TENM3: variants seen among roughly 807,000 people sequenced by gnomAD.
TENM3 encodes the protein teneurin transmembrane protein 3.
Under a neutral mutation model 255.1 loss-of-function variants are expected in TENM3, and 63 were observed. The ratio of observed to expected loss-of-function variants is 0.25; its 90% confidence interval spans 0.20 to 0.30. The LOEUF (loss-of-function observed/expected upper bound fraction) is 0.30. TENM3 is among the 10% of genes least tolerant of loss of function. The pLI is 1.00. For synonymous variants in TENM3, 1,306 were observed against 1,322.3 expected (o/e 0.99, Z 0.27); for missense variants, 2,929 against 3,461.1 (o/e 0.85, Z 3.86).
intron 3 of TENM3, among the ~76,000 whole-genome samples, chr4:182,560,061 A>G (rs1390644621): frequency 6.6e-6 from 1 of 151,878 alleles, no homozygotes; most frequent in African/African-American, 2.4e-5. Flanking sequence ...TACCTATAAA[A>G]ATTAAAAATT....
chr4:181,582,718 C>G, the TENM3 span, among the ~76,000 whole-genome samples: 1 of 150,322 alleles, frequency 6.7e-6, no homozygotes, highest in Non-Finnish European at 1.5e-5. Context: ...AACTCCTTTG[C>G]GGTTAGTGAG....
chr4:181,698,950 T>A, the TENM3 span, among the ~76,000 whole-genome samples: 6 of 152,316 alleles, frequency 3.9e-5, no homozygotes, highest in East Asian at 7.7e-4. Context: ...TAACTTTTTT[T>A]AAAAGAAAAC....
the TENM3 span, among the ~76,000 whole-genome samples, chr4:181,450,386 A>G: frequency 0.82 from 125,476 of 152,102 alleles, 52,083 homozygotes; most frequent in Non-Finnish European, 0.87. Flanking sequence ...AAACACTTTC[A>G]GTGTAGTTTT....
the TENM3 span, among the ~76,000 whole-genome samples, chr4:181,672,738 A>G: frequency 2.6e-5 from 4 of 152,202 alleles, no homozygotes; most frequent in Non-Finnish European, 5.9e-5. Context: ...ACTTCCCTTT[A>G]TATGTGCCAG....
At chr4:181,576,153 G>T in the TENM3 span, among the ~76,000 whole-genome samples, 4 of 152,010 alleles carry the variant, frequency 2.6e-5, no homozygotes, top group African/African-American at 9.7e-5. Context: ...CACATGCTAC[G>T]GCCATATGTA....
At chr4:182,390,014 G>C (rs1768316356) in intron 3 of TENM3, among the ~76,000 whole-genome samples, 1 of 152,150 alleles carries the variant, frequency 6.6e-6, no homozygotes, top group Non-Finnish European at 1.5e-5. Flanking sequence ...GGTCATTTTA[G>C]CAAGTGTAAG....
At chr4:181,817,410 G>A in the TENM3 span, among the ~76,000 whole-genome samples, 1 of 152,254 alleles carries the variant, frequency 6.6e-6, no homozygotes, top group Non-Finnish European at 1.5e-5. Flanking sequence ...AATGTCCCTT[G>A]GGGAGATGAA....
At chr4:182,111,519 G>A in the TENM3 span, among the ~76,000 whole-genome samples, 583 of 152,264 alleles carry the variant, frequency 3.8e-3, 3 homozygotes, top group Non-Finnish European at 6.7e-3. Context: ...TCAAGAAAGC[G>A]GCGAAAGTGT....
At chr4:181,976,496 G>A in the TENM3 span, 2 of 152,264 alleles carry the variant, frequency 1.3e-5, no homozygotes, top group East Asian at 3.9e-4. Flanking sequence ...CAGGTACTAG[G>A]GGGTAGGACT....
At position 182,793,250 on chromosome 4, in the gene TENM3, A is replaced by C; in HGVS notation, c.6578A>C (p.Glu2193Ala). 6.2e-7 allele frequency: 1 copy of C among 1,613,954 alleles called. No individual in the cohort carries two copies. The change falls in exon 26 of 28, where the codon GAA (glutamate) becomes GCA (alanine). Residue 2193 changes from glutamate (E) to alanine (A), a missense_variant. Coordinates refer to ENST00000511685, the MANE Select transcript of TENM3 (RefSeq NM_001080477.4). This position sits in a 1 kb window ranked among gnomAD's most constrained non-coding sequence, Gnocchi z 5.7. ...RLGDVQYRLD[E>A]DGFLRQRGTE... is the part of the protein sequence containing the mutation. ...GGTGATGTTCAATATCGGTTGGATG[A>C]AGATGGTTTCCTACGTCAAAGGGGC... is the stretch of plus-strand genomic sequence containing the variant.
intron 3 of TENM3, among the ~76,000 whole-genome samples, chr4:182,383,657 CTTA>C (rs1357677936): frequency 6.6e-6 from 1 of 151,916 alleles, no homozygotes; most frequent in African/African-American, 2.4e-5. Context: ...TCCTCGGTGT[CTTA>C]TTGTTTCCAT....
the TENM3 span, among the ~76,000 whole-genome samples, chr4:181,990,205 T>C: frequency 6.6e-6 from 1 of 152,124 alleles, no homozygotes; most frequent in Non-Finnish European, 1.5e-5. Context: ...TCTAGCCTAA[T>C]CACATGTTAT....
chr4:182,786,547 A>AC (rs373958308), intron 24 of TENM3, among the ~76,000 whole-genome samples: 2,939 of 131,398 alleles, frequency 0.022, 94 homozygotes, highest in African/African-American at 0.09. Flanking sequence ...ACAGAGTGAG[A>AC]CCCCGTCTTA....
At chr4:182,757,870 A>G (rs576871772) in intron 22 of TENM3, among the ~76,000 whole-genome samples, 133 of 152,324 alleles carry the variant, frequency 8.7e-4, no homozygotes, top group African/African-American at 3.0e-3. Flanking sequence ...TCATATTTAA[A>G]GTATATCTAT....
chr4:181,924,309 G>A, the TENM3 span, among the ~76,000 whole-genome samples: 2 of 152,192 alleles, frequency 1.3e-5, no homozygotes, highest in Non-Finnish European at 2.9e-5. Context: ...TCATGCTGCT[G>A]ATGGACCTTT....
chr4:182,693,221 A>G (rs1358077328), intron 12 of TENM3, among the ~76,000 whole-genome samples: 2 of 152,194 alleles, frequency 1.3e-5, no homozygotes, highest in Non-Finnish European at 2.9e-5. Flanking sequence ...ACTGAGAACA[A>G]TTTCTTACAA....
the TENM3 span, among the ~76,000 whole-genome samples, chr4:181,792,390 T>G: frequency 2.8e-4 from 43 of 152,348 alleles, no homozygotes; most frequent in African/African-American, 1.0e-3. Context: ...ATTCACAATT[T>G]ACTGTTAAGC....
chr4:182,539,933 G>C (rs1003212546), intron 3 of TENM3, among the ~76,000 whole-genome samples: 2 of 152,218 alleles, frequency 1.3e-5, no homozygotes, highest in East Asian at 3.9e-4. Context: ...TGTGGCAGAT[G>C]TGAGGACAGG....
chr4:181,745,974 A>G, the TENM3 span, among the ~76,000 whole-genome samples: 3 of 152,182 alleles, frequency 2.0e-5, no homozygotes, highest in Non-Finnish European at 4.4e-5. Flanking sequence ...ATATTTAGGA[A>G]CTCAAGTGGA....
Sources: gnomAD v4.1 joint callset for allele counts (sites outside exome capture counted in the v4.1 genomes callset) on GRCh38, gnomAD v4.1.1 for gene constraint, Gnocchi (gnomAD v3.1) non-coding constraint, MANE v1.5 for transcripts, NCBI Gene and HGNC (gene_info 2026-07-23, HGNC 2026-07-21) for gene names.